ZKSCAN7: variants seen among roughly 807,000 people sequenced by gnomAD.
ZKSCAN7 encodes the protein zinc finger protein with KRAB and SCAN domains 7.
ZKSCAN7 carries 38 observed loss-of-function variants against 65.3 expected under a neutral mutation model. The observed-to-expected ratio is 0.58, with a 90% CI of 0.45 to 0.76. The LOEUF (loss-of-function observed/expected upper bound fraction) is 0.76, where lower values mean the gene tolerates loss of function less well. ZKSCAN7 is among the 30% of genes least tolerant of loss of function. The pLI is 0.00. For synonymous variants in ZKSCAN7, 321 were observed against 321.0 expected (o/e 1.00, Z 0.00); for missense variants, 815 against 913.3 (o/e 0.89, Z 1.39).
Position 44,568,371 on chromosome 3 carries a change from T to G in ZKSCAN7, c.749T>G (p.Leu250Arg), listed in dbSNP as rs772989022. The stretch of plus-strand genomic sequence containing the variant: ...CAGAAGAAATGGAAAAGTCTCACAC[T>G]CAGTCAGAGAGCCCTGCAGTGGAAC... ...YTQKKWKSLT[L>R]SQRALQWNMM... The change falls in exon 5 of 6, where the codon CTC (leucine) becomes CGC (arginine). Residue 250 changes from leucine to arginine, a missense_variant. Physicochemically the swap from Leu to Arg is moderately radical, Grantham distance 102. Coordinates refer to ENST00000426540, the MANE Select transcript of ZKSCAN7 (RefSeq NM_001288590.2). 13 of 1,613,542 alleles carry G rather than the reference T, an allele frequency of 8.1e-6. No individual in the cohort carries two copies. The East Asian group carries it at 2.7e-4, about 33-fold the overall frequency.
chr3:44,557,142 C>T lies in ZKSCAN7; in HGVS notation c.95C>T (p.Ala32Val). Reference protein sequence around the residue: ...EGRLTVKQEPANQTWGQGSSL... With the variant: ...EGRLTVKQEPVNQTWGQGSSL... ...CGCCTGACTGTGAAGCAGGAGCCAG[C>T]AAACCAGACCTGGGGGCAGGGCAGC... The change falls in exon 2 of 6, where the codon GCA (alanine) becomes GTA (valine). Residue 32 changes from alanine to valine, a missense_variant. Ala to Val is a moderately conservative substitution (Grantham distance 64). Transcript: ENST00000426540. 6.2e-7 allele frequency: 1 copy of T among 1,614,238 alleles called. No individual in the cohort carries two copies. Among genetic ancestry groups the T allele is most frequent in the Non-Finnish European group, 8.5e-7 (1 of 1,180,034 alleles).
chr3:44,565,511 G>A lies in ZKSCAN7; in HGVS notation c.448G>A (p.Glu150Lys), dbSNP rs747400553. Residue 150 changes from glutamate (E) to lysine (K), a missense_variant, in exon 3 of 6, where the codon GAA (glutamate) becomes AAA (lysine). Physicochemically the swap from Glu to Lys is moderately conservative, Grantham distance 56. Transcript: ENST00000426540. ...GGTTTCAGCCCCAGCACAGAAACAG[G>A]AAATGCATTTTGAGGAGACAACAGC... ...EEVSAPAQKQ[E>K]MHFEETTALG... The A allele has an allele frequency of 6.2e-7, 1 of 1,609,734 alleles. No homozygotes were observed. Among genetic ancestry groups the A allele is most frequent in the East Asian group, 2.2e-5 (1 of 44,720 alleles).
chr3:44,563,685 C>T (rs1415112777), intron 2 of ZKSCAN7, among the ~76,000 whole-genome samples: 3 of 149,052 alleles, frequency 2.0e-5, no homozygotes, highest in Admixed American at 6.6e-5. Context: ...TCACTTCCCA[C>T]TGGGCCCCTC....
intron 3 of ZKSCAN7, 33 bp from the exon 4 acceptor site, chr3:44,567,879 T>C: frequency 1.5e-6 from 1 of 662,768 alleles, no homozygotes; most frequent in South Asian, 1.9e-5. Context: ...GAAGCAGGGC[T>C]TGTCCCACTC....
chr3:44,557,214 A>G lies in ZKSCAN7; in HGVS notation c.167A>G (p.His56Arg), dbSNP rs1161575415. Residue 56 changes from histidine (H) to arginine (R), a missense_variant, in exon 2 of 6, where the codon CAC becomes CGC. This residue lies in a region of ZKSCAN7 where 227 missense variants were observed against 253.3 expected (regional missense o/e 0.90). Transcript: ENST00000426540. Reference protein sequence around the residue: ...YPPVCEIFRLHFRQLCYHEMS... With the variant: ...YPPVCEIFRLRFRQLCYHEMS... Reference sequence around the variant, plus strand: ...CCTGTCTGCGAAATCTTCCGGCTACACTTCAGGCAATTGTGTTACCACGAG... The same window carrying G: ...CCTGTCTGCGAAATCTTCCGGCTACGCTTCAGGCAATTGTGTTACCACGAG... The G allele has an allele frequency of 1.9e-6, 3 of 1,614,266 alleles. No individual in the cohort carries two copies. The highest frequency in any genetic ancestry group is 1.1e-5 in the South Asian group (1 of 91,088).
chr3:44,582,907 C>CGT (rs4016043), intron 5 of ZKSCAN7: 7,988 of 353,478 alleles, frequency 0.023, 87 homozygotes, highest in African/African-American at 0.056. Context: ...CATGAATATT[C>CGT]GTGTGTGTGT....
chr3:44,564,418 AG>A (rs895977164), intron 2 of ZKSCAN7, among the ~76,000 whole-genome samples: 4 of 152,266 alleles, frequency 2.6e-5, no homozygotes, highest in Admixed American at 2.6e-4. Context: ...ACACCATTGT[AG>A]GGCTATATGT....
intron 3 of ZKSCAN7, among the ~76,000 whole-genome samples, 162 bp from the exon 4 acceptor site, chr3:44,567,750 G>A (rs1206197272): frequency 6.6e-6 from 1 of 151,524 alleles, no homozygotes; most frequent in Non-Finnish European, 1.5e-5. Flanking sequence ...TACCCTCCAG[G>A]GAAAATTCAC....
At chr3:44,563,463 CAGAA>C (rs1451104361) in intron 2 of ZKSCAN7, among the ~76,000 whole-genome samples, 1 of 152,128 alleles carries the variant, frequency 6.6e-6, no homozygotes, top group African/African-American at 2.4e-5. Context: ...GCAGGCTTAA[CAGAA>C]AGCATGACTG....
chr3:44,577,207 A>T (rs1036684558), intron 5 of ZKSCAN7, among the ~76,000 whole-genome samples: 4 of 151,866 alleles, frequency 2.6e-5, no homozygotes, highest in Admixed American at 6.6e-5. Context: ...GCCTCAAGCA[A>T]CCCTCCTGCT....
chr3:44,579,977 G>GC (rs377234323), intron 5 of ZKSCAN7: 28,531 of 1,587,416 alleles, frequency 0.018, 389 homozygotes, highest in African/African-American at 0.039. Context: ...GAGGAGCTTG[G>GC]GGGGGGGCTT....
At position 44,570,176 on chromosome 3, in the gene ZKSCAN7, A is replaced by G. The variant is rs758323258; in HGVS notation, c.1066A>G (p.Lys356Glu). 108 of 1,614,130 alleles carry G rather than the reference A, an allele frequency of 6.7e-5. No homozygotes were observed. The highest frequency in any genetic ancestry group is 8.7e-5 in the Non-Finnish European group (103 of 1,180,042). The change falls in exon 6 of 6, where the codon AAA becomes GAA. Residue 356 changes from lysine to glutamate, a missense_variant. By Grantham distance (56) the Lys-to-Glu change is moderately conservative. This residue lies in a region of ZKSCAN7 where 578 missense variants were observed against 629.5 expected (regional missense o/e 0.92). Transcript: ENST00000426540. Reference sequence around the variant, plus strand: ...AAAATCCACAAAAGACAGATATGACAAATATAAGGAAGTTGGGGAACATCC... The same window carrying G: ...AAAATCCACAAAAGACAGATATGACGAATATAAGGAAGTTGGGGAACATCC... ...KKKSTKDRYD[K>E]YKEVGEHPPL...
intron 3 of ZKSCAN7, 41 bp downstream of exon 3, chr3:44,565,696 T>G: frequency 6.6e-7 from 1 of 1,521,142 alleles, no homozygotes; most frequent in East Asian, 2.4e-5. Flanking sequence ...CATGCCTCCC[T>G]TCTCTCCTCT....
In ZKSCAN7 at chr3:44,569,962, G is replaced by A. The variant is rs1330420747; in HGVS notation, c.852G>A (p.Lys284=). The change falls in exon 6 of 6, where the codon AAG becomes AAA. Residue 284 remains lysine (K), a synonymous_variant. Transcript: ENST00000426540. The stretch of plus-strand genomic sequence containing the variant: ...TGAAGGGTTCAGAGTTGACTCCAAA[G>A]CAGGAATTTTTTAAAGGATCAGAGT... ...NMMKGSELTP[K]QEFFKGSESS... The A allele has an allele frequency of 1.3e-6, 2 of 1,570,200 alleles. No individual in the cohort carries two copies. Among genetic ancestry groups the A allele is most frequent in the African/African-American group, 2.7e-5 (2 of 72,914 alleles).
intron 5 of ZKSCAN7, chr3:44,578,254 C>A: frequency 1.3e-6 from 2 of 1,561,950 alleles, no homozygotes; most frequent in Non-Finnish European, 1.8e-6. Context: ...GTGCTGTCTG[C>A]AGCTCATCCT....
chr3:44,581,363 G>A (rs1469749811), intron 5 of ZKSCAN7, among the ~76,000 whole-genome samples: 2 of 151,306 alleles, frequency 1.3e-5, no homozygotes, highest in African/African-American at 4.9e-5. Flanking sequence ...TGCCCTCAGC[G>A]CCCCGCGGCC....
At chr3:44,561,013 T>C (rs1415778781) in intron 2 of ZKSCAN7, among the ~76,000 whole-genome samples, 1 of 152,258 alleles carries the variant, frequency 6.6e-6, no homozygotes, top group Admixed American at 6.5e-5. Flanking sequence ...CAACAGCTTT[T>C]CTCTAGGGTC....
At chr3:44,580,075 T>C in intron 5 of ZKSCAN7, 2 of 1,600,960 alleles carry the variant, frequency 1.2e-6, no homozygotes, top group Non-Finnish European at 1.7e-6. Flanking sequence ...CCCACTGCAT[T>C]GGTCTCCATG....
intron 5 of ZKSCAN7, among the ~76,000 whole-genome samples, chr3:44,569,207 C>T (rs1218947601): frequency 6.6e-6 from 1 of 152,220 alleles, no homozygotes; most frequent in Non-Finnish European, 1.5e-5. Flanking sequence ...TACCTGGTGC[C>T]AGTCCAATCA....
Sources: gnomAD v4.1 joint callset for allele counts (sites outside exome capture counted in the v4.1 genomes callset) on GRCh38, gnomAD v4.1.1 for gene constraint, gnomAD v4.1.1 regional missense constraint, MANE v1.5 for transcripts, NCBI Gene and HGNC (gene_info 2026-07-23, HGNC 2026-07-21) for gene names.